DUSP5: variants seen among roughly 807,000 people sequenced by gnomAD.
DUSP5 encodes dual specificity protein phosphatase 5.
Under a neutral mutation model 33.6 loss-of-function variants are expected in DUSP5, and 22 were observed. That is an observed-to-expected ratio of 0.66 (90% confidence interval 0.47 to 0.94). The LOEUF is 0.94. DUSP5 is among the 40% of genes least tolerant of loss of function. The pLI is 0.00. For missense variants in DUSP5, 551 were observed against 522.1 expected (o/e 1.06, Z -0.54); for synonymous variants, 270 against 231.1 (o/e 1.17, Z -1.53).
intron 3 of DUSP5, among the ~76,000 whole-genome samples, chr10:110,508,328 C>T (rs558091885): frequency 8.2e-4 from 125 of 152,212 alleles, no homozygotes; most frequent in African/African-American, 2.5e-3. Context: ...ATGCCTTGCC[C>T]TTCTCAGCCT....
rs768453959 is a variant in DUSP5 at position 110,498,355 on chromosome 10, GGGC to G, written c.245_247del (p.Gly82del). On this transcript the variant is annotated inframe_deletion, in exon 1 of 4. Transcript: ENST00000369583. ...CGGCGCGCGCGCGGCTCCTGCAGGA[GGGC>G]GGCGGCGGCGTCGCGGCCGTGGTGG... The G allele has an allele frequency of 9.3e-6, 13 of 1,392,614 alleles. No individual in the cohort carries two copies. Among genetic ancestry groups the G allele is most frequent in the South Asian group, 4.7e-5 (3 of 63,416 alleles). 86.3% of individuals were successfully genotyped at this position (1,392,614 alleles called of 1,614,324 possible). A position where few individuals can be genotyped will look rare whatever the true frequency, so the allele number is the denominator to read the frequency against.
chr10:110,503,380 T>G (rs1234253167), intron 2 of DUSP5: 1 of 152,800 alleles, frequency 6.5e-6, no homozygotes, highest in Non-Finnish European at 1.5e-5. Flanking sequence ...AAAGTCCTGT[T>G]TGGGTGGCTA....
In DUSP5 at chr10:110,498,105, C is replaced by CCGGCGG. The variant is rs560715849; in HGVS notation, c.-6_-1dup. 19 of 1,292,152 alleles carry CCGGCGG rather than the reference C, an allele frequency of 1.5e-5. No homozygotes were observed. The highest frequency in any genetic ancestry group is 6.3e-5 in the African/African-American group (4 of 63,470). The allele number at this position is 1,292,152 out of a possible 1,614,324, so 80.0% of individuals were successfully genotyped here. A position where few individuals can be genotyped will look rare whatever the true frequency, so the allele number is the denominator to read the frequency against. ...GGGGCGCGCGGCGCGGGGCCGCTGG[C>CCGGCGG]CGGCGGCGGCGGCGGCATGAAGGTC... On this transcript the variant is annotated 5_prime_UTR_variant, in exon 1 of 4. Transcript: ENST00000369583.
rs148467799 is a variant in DUSP5, at chr10:110,502,762, G to A, written c.421G>A (p.Val141Met). The A allele has an allele frequency of 8.7e-6, 14 of 1,614,162 alleles. No individual in the cohort carries two copies. The highest frequency in any genetic ancestry group is 1.6e-4 in the Middle Eastern group (1 of 6,062). ...CTACTCGGAATATCCTGAGTGTTGCGTGGATGTAAAACCCATTTCACAAGA... is the reference window on the plus strand; with the variant it reads ...CTACTCGGAATATCCTGAGTGTTGCATGGATGTAAAACCCATTTCACAAGA... ...TFYSEYPECC[V>M]DVKPISQEKI... The change falls in exon 2 of 4, where the codon GTG becomes ATG. Residue 141 changes from valine to methionine, a missense_variant. By Grantham distance (21) the Val-to-Met change is conservative. Around this residue, in one of 3 missense-constraint regions of DUSP5, gnomAD observed 381 missense variants for 310.4 expected, o/e 1.23. Transcript: ENST00000369583.
At position 110,507,145 on chromosome 10, in the gene DUSP5, GAC is replaced by G; in HGVS notation, c.740_741del (p.Asp247ValfsTer3). ...DISSHFQEAI[D>X]FIDCVREKGG... ...TAGCTCCCACTTTCAAGAAGCAATA[GAC>G]TTCATTGGTAGGTTTAGCCATTCCC... On this transcript the variant is annotated frameshift_variant, in exon 3 of 4. Coordinates refer to ENST00000369583, the MANE Select transcript of DUSP5 (RefSeq NM_004419.4). LOFTEE classifies it high-confidence loss of function. The G allele has an allele frequency of 6.2e-7, 1 of 1,613,324 alleles. No homozygotes were observed.
At chr10:110,500,889 C>A (rs923872775) in intron 1 of DUSP5, among the ~76,000 whole-genome samples, 1 of 152,196 alleles carries the variant, frequency 6.6e-6, no homozygotes, top group Non-Finnish European at 1.5e-5. Flanking sequence ...TGTCCCTCAA[C>A]TAAATTTTGT....
At chr10:110,502,186 G>C (rs940490051) in intron 1 of DUSP5, among the ~76,000 whole-genome samples, 1 of 152,098 alleles carries the variant, frequency 6.6e-6, no homozygotes, top group South Asian at 2.1e-4. Context: ...AGCACCTTGG[G>C]AGTGAGAAGC....
chr10:110,499,839 C>T (rs762605045), intron 1 of DUSP5, among the ~76,000 whole-genome samples: 19 of 152,266 alleles, frequency 1.2e-4, no homozygotes, highest in Non-Finnish European at 2.6e-4. Flanking sequence ...GAAGTTTCTG[C>T]CTCAGTAGTA....
rs1194232636 is a variant in DUSP5, at chr10:110,498,269, G to A, written c.148G>A (p.Val50Met). Residue 50 changes from valine to methionine, a missense_variant, in exon 1 of 4, where the codon GTG (valine) becomes ATG (methionine). Around this residue, in one of 3 missense-constraint regions of DUSP5, gnomAD observed 381 missense variants for 310.4 expected, o/e 1.23. Transcript: ENST00000369583. ...RGSLNVNLNS[V>M]VLRRARGGAV... is the part of the protein sequence containing the mutation. Reference sequence around the variant, plus strand: ...CTCGCTCAACGTCAACCTCAACTCGGTGGTGCTGCGGCGGGCCCGGGGCGG... The same window carrying A: ...CTCGCTCAACGTCAACCTCAACTCGATGGTGCTGCGGCGGGCCCGGGGCGG... The A allele has an allele frequency of 8.7e-6, 13 of 1,486,416 alleles. No individual in the cohort carries two copies. Among genetic ancestry groups the A allele is most frequent in the Non-Finnish European group, 1.1e-5 (12 of 1,114,796 alleles). 92.1% of individuals were successfully genotyped at this position (1,486,416 alleles called of 1,614,324 possible).
Position 110,498,292 on chromosome 10 carries a change from C to A in DUSP5, c.171C>A (p.Gly57=). 6.9e-7 allele frequency: 1 copy of A among 1,445,668 alleles called. No individual in the cohort carries two copies. Among genetic ancestry groups the A allele is most frequent in the Non-Finnish European group, 9.1e-7 (1 of 1,093,184 alleles). The allele number at this position is 1,445,668 out of a possible 1,614,324, so 89.6% of individuals were successfully genotyped here. The part of the protein sequence containing the change: ...LNSVVLRRAR[G]GAVSARYVLP... ...CGGTGGTGCTGCGGCGGGCCCGGGG[C>A]GGCGCGGTGTCGGCGCGCTACGTGC... Residue 57 remains glycine (G), a synonymous_variant, in exon 1 of 4, where the codon GGC becomes GGA. Transcript: ENST00000369583.
intron 3 of DUSP5, 110 bp from the exon 4 acceptor site, chr10:110,509,910 C>A: frequency 7.1e-7 from 1 of 1,417,006 alleles, no homozygotes; most frequent in Non-Finnish European, 9.5e-7. Context: ...GGCTCTTAGG[C>A]AGGCACAACA....
intron 1 of DUSP5, among the ~76,000 whole-genome samples, chr10:110,501,202 C>T (rs1860042890): frequency 6.6e-6 from 1 of 152,216 alleles, no homozygotes; most frequent in Admixed American, 6.5e-5. Context: ...GCCTCATTCT[C>T]TCTTGACTGC....
In DUSP5 at chr10:110,507,016, C is replaced by T; in HGVS notation, c.610C>T (p.His204Tyr). ...ASKCEFLANL[H>Y]ITALLNVSRR... ...CAAGTGCGAGTTCCTCGCCAACCTG[C>T]ACATCACAGCCCTGCTGAATGTCTC... The change falls in exon 3 of 4, where the codon CAC (histidine) becomes TAC (tyrosine). Residue 204 changes from histidine to tyrosine, a missense_variant. By Grantham distance (83) the His-to-Tyr change is moderately conservative (BLOSUM62 2). Transcript: ENST00000369583. 6.2e-7 allele frequency: 1 copy of T among 1,614,296 alleles called. No homozygotes were observed. The highest frequency in any genetic ancestry group is 1.1e-5 in the South Asian group (1 of 91,090).
Position 110,502,967 on chromosome 10 carries a change from A to T in DUSP5, c.528+98A>T, listed in dbSNP as rs1029589866. 2.2e-5 allele frequency: 33 copies of T among 1,499,848 alleles called. 1 individual carries two copies. The Admixed American group carries it at 3.9e-4, about 18-fold the overall frequency. 92.9% of individuals were successfully genotyped at this position (1,499,848 alleles called of 1,614,324 possible). On this transcript the variant is annotated intron_variant, in intron 2 of 3. Coordinates refer to ENST00000369583, the MANE Select transcript of DUSP5 (RefSeq NM_004419.4). ...CTGACTGTTCTCTCCCCACTCAGCA[A>T]TGATGGTTAGTTCTTTTGTGGATCA...
In DUSP5 at chr10:110,497,939, A is replaced by C. The variant is rs974800352; in HGVS notation, c.-183A>C. On this transcript the variant is annotated 5_prime_UTR_variant, in exon 1 of 4. Coordinates refer to ENST00000369583, the MANE Select transcript of DUSP5 (RefSeq NM_004419.4). ...AGGGCGGCGAGCGGCCGGGCTGGCTATCGAGCGAGCGGGGCGGGAACGCGG... is the reference window on the plus strand; with the variant it reads ...AGGGCGGCGAGCGGCCGGGCTGGCTCTCGAGCGAGCGGGGCGGGAACGCGG... 3.2e-6 allele frequency: 1 copy of C among 314,498 alleles called. No individual in the cohort carries two copies. The highest frequency in any genetic ancestry group is 4.6e-6 in the Non-Finnish European group (1 of 217,192). The allele number at this position is 314,498 out of a possible 1,614,324, so 19.5% of individuals were successfully genotyped here. A position where few individuals can be genotyped will look rare whatever the true frequency, so the allele number is the denominator to read the frequency against.
Position 110,498,246 on chromosome 10 carries a change from C to G in DUSP5, c.125C>G (p.Ser42Trp). Residue 42 changes from serine to tryptophan, a missense_variant, in exon 1 of 4, where the codon TCG becomes TGG. Ser to Trp is a radical substitution (Grantham distance 177, BLOSUM62 -3). Around this residue, in one of 3 missense-constraint regions of DUSP5, gnomAD observed 381 missense variants for 310.4 expected, o/e 1.23. Transcript: ENST00000369583. ...LAFAASNVRG[S>W]LNVNLNSVVL... is the part of the protein sequence containing the mutation. ...TTCGCTGCCTCGAACGTGCGCGGCT[C>G]GCTCAACGTCAACCTCAACTCGGTG... 1 of 1,504,708 alleles carries G rather than the reference C, an allele frequency of 6.6e-7. No homozygotes were observed. The highest frequency in any genetic ancestry group is 8.9e-7 in the Non-Finnish European group (1 of 1,125,260). The allele number at this position is 1,504,708 out of a possible 1,614,324, so 93.2% of individuals were successfully genotyped here.
chr10:110,500,052 G>C (rs939252121), intron 1 of DUSP5, among the ~76,000 whole-genome samples: 2 of 152,340 alleles, frequency 1.3e-5, no homozygotes, highest in African/African-American at 4.8e-5. Flanking sequence ...AAGGCCCTGT[G>C]ATGAGAAGCG....
In DUSP5 at chr10:110,510,449, C is replaced by A; in HGVS notation, c.*23C>A. The A allele has an allele frequency of 6.5e-7, 1 of 1,537,694 alleles. No individual in the cohort carries two copies. On this transcript the variant is annotated 3_prime_UTR_variant, in exon 4 of 4. Coordinates refer to ENST00000369583, the MANE Select transcript of DUSP5 (RefSeq NM_004419.4). Reference sequence around the variant, plus strand: ...TAAAACTGGGATGGAGGAATCGGCCCAGCCCCAAGAGCAACTGTGATTTTT... The same window carrying A: ...TAAAACTGGGATGGAGGAATCGGCCAAGCCCCAAGAGCAACTGTGATTTTT...
At chr10:110,502,398 GC>G (rs750307203) in intron 1 of DUSP5, among the ~76,000 whole-genome samples, 5 of 152,178 alleles carry the variant, frequency 3.3e-5, no homozygotes, top group Non-Finnish European at 7.3e-5. Flanking sequence ...AGAGAAAATA[GC>G]CTTTGTTTTC....
Sources: allele counts gnomAD v4.1 joint callset (sites outside exome capture counted in the v4.1 genomes callset), GRCh38; gene constraint gnomAD v4.1.1; regional missense constraint gnomAD v4.1.1; transcripts MANE v1.5; gene names NCBI Gene and HGNC (gene_info 2026-07-23, HGNC 2026-07-21).